The following CDH11 variants were observed in gnomAD, a reference collection of about 807,000 sequenced individuals.
CDH11 encodes the protein cadherin 11.
In CDH11, 11 loss-of-function variants were observed where a neutral mutation model predicts 67.8. That is an observed-to-expected ratio of 0.16 (90% CI 0.10 to 0.27). The LOEUF (loss-of-function observed/expected upper bound fraction) is 0.27, where lower values mean the gene tolerates loss of function less well. Among genes scored for constraint, CDH11 ranks in the 10% least tolerant of loss-of-function variants. The probability of loss-of-function intolerance (pLI) is 1.00; values close to 1 mark genes in which losing one functional copy is unlikely to be tolerated. For missense variants in CDH11, 847 were observed against 1,031.2 expected, an observed-to-expected ratio of 0.82 and a Z score of 2.45; for synonymous variants, 419 against 400.0, an observed-to-expected ratio of 1.05 and a Z score of -0.57.
intron 11 of CDH11, among the ~76,000 whole-genome samples, chr16:64,969,818 T>TCACTATGTGCCTGA (rs1161703689): frequency 5.3e-5 from 8 of 152,244 alleles, no homozygotes; most frequent in Non-Finnish European, 8.8e-5. Flanking sequence ...CTGAGTTTCC[T>TCACTATGTGCCTGA]TGTTTTGGAG....
At chr16:65,089,318 AAGAAAT>A (rs1429434301) in intron 1 of CDH11, among the ~76,000 whole-genome samples, 1 of 152,190 alleles carries the variant, frequency 6.6e-6, no homozygotes. Context: ...AAAAAGGAAA[AAGAAAT>A]AGAAGATGAT....
At chr16:65,040,531 G>A (rs958693187) in intron 2 of CDH11, among the ~76,000 whole-genome samples, 2 of 142,894 alleles carry the variant, frequency 1.4e-5, no homozygotes, top group African/African-American at 2.6e-5. Flanking sequence ...ACAGGAAGGG[G>A]AACATCACAC....
At chr16:65,037,959 T>C (rs2073787864) in intron 2 of CDH11, among the ~76,000 whole-genome samples, 1 of 152,138 alleles carries the variant, frequency 6.6e-6, no homozygotes, top group South Asian at 2.1e-4. Context: ...ACTCCAAAAC[T>C]GGCAGGGATG....
intron 2 of CDH11, among the ~76,000 whole-genome samples, chr16:65,012,620 T>C (rs2073206240): frequency 1.3e-5 from 2 of 152,190 alleles, no homozygotes; most frequent in Admixed American, 1.3e-4. Context: ...CTGAAGATCT[T>C]GGCAATTAAG....
At chr16:65,079,181 A>T (rs1429486127) in intron 1 of CDH11, among the ~76,000 whole-genome samples, 1 of 152,172 alleles carries the variant, frequency 6.6e-6, no homozygotes, top group Non-Finnish European at 1.5e-5. Flanking sequence ...CAAAGTTTGC[A>T]ATCTAAGTAG....
chr16:64,962,949 TG>T (rs1332203112), intron 11 of CDH11, among the ~76,000 whole-genome samples: 1 of 152,208 alleles, frequency 6.6e-6, no homozygotes, highest in Non-Finnish European at 1.5e-5. Flanking sequence ...CATAGGACTA[TG>T]GAATGCTAGC....
At chr16:65,082,707 A>G (rs962983917) in intron 1 of CDH11, among the ~76,000 whole-genome samples, 1 of 152,240 alleles carries the variant, frequency 6.6e-6, no homozygotes, top group African/African-American at 2.4e-5. Context: ...TATATAGTGA[A>G]TTTTGCCATC....
intron 1 of CDH11, among the ~76,000 whole-genome samples, chr16:65,060,341 A>G (rs2074216439): frequency 3.0e-5 from 1 of 33,790 alleles, no homozygotes; most frequent in African/African-American, 1.1e-4. Flanking sequence ...AAATTTGCAT[A>G]TATATATATA....
In CDH11 at chr16:64,951,013, T is replaced by C. The variant is rs767438277; in HGVS notation, c.1648A>G (p.Thr550Ala). ...CCACGCCGGGCGTACACGCCTGCTG[T>C]GTTATCTGCAGAAAGAGGGGAGACA... ...NFTVRDNRDN[T>A]AGVYARRGGF... Residue 550 changes from threonine (T) to alanine (A), a missense_variant, in exon 12 of 13, where the codon ACA becomes GCA. Transcript: ENST00000268603. The C allele has an allele frequency of 1.9e-6, 3 of 1,612,108 alleles. No homozygotes were observed. The highest frequency in any genetic ancestry group is 1.1e-5 in the South Asian group (1 of 91,054).
intron 2 of CDH11, among the ~76,000 whole-genome samples, chr16:65,031,814 T>C (rs537242080): frequency 2.3e-4 from 35 of 152,248 alleles, no homozygotes; most frequent in Middle Eastern, 3.4e-3. Flanking sequence ...TGCTGAAGCA[T>C]ACAAAGATGG....
chr16:65,123,394 G>T (rs1490611634), upstream of CDH11, among the ~76,000 whole-genome samples: 12 of 152,004 alleles, frequency 7.9e-5, no homozygotes, highest in African/African-American at 2.7e-4. Flanking sequence ...CGGAGGGAAA[G>T]CTGGGCGCCA....
At chr16:64,950,099 G>T (rs1567482294) in intron 12 of CDH11, among the ~76,000 whole-genome samples, 3 of 152,224 alleles carry the variant, frequency 2.0e-5, no homozygotes, top group African/African-American at 4.8e-5. Context: ...TCTTCCTGAG[G>T]CCCAGCAATG....
rs1424187048 is a variant in CDH11 at position 64,945,523 on chromosome 16, T to C, written c.*2080A>G. ...TATTCCTTTTGAGTTATTTCTTCAT[T>C]GCAAATTCAATTGGAGATCTGTGCA... On this transcript the variant is annotated 3_prime_UTR_variant, in exon 13 of 13. Transcript: ENST00000268603. 9.7e-7 allele frequency: 1 copy of C among 1,032,734 alleles called. No individual in the cohort carries two copies. Among genetic ancestry groups the C allele is most frequent in the Non-Finnish European group, 1.2e-6 (1 of 858,426 alleles). The allele number at this position is 1,032,734 out of a possible 1,614,324, so 64.0% of individuals were successfully genotyped here. A position where few individuals can be genotyped will look rare whatever the true frequency, so the allele number is the denominator to read the frequency against.
rs369271674 is a variant in CDH11, at chr16:64,973,013, G to A, written c.1281C>T (p.Leu427=). The A allele has an allele frequency of 1.3e-5, 21 of 1,613,472 alleles. No homozygotes were observed. The highest frequency in any genetic ancestry group is 1.7e-5 in the Non-Finnish European group (20 of 1,179,804). Residue 427 remains leucine, a synonymous_variant, in exon 9 of 13, where the codon CTC becomes CTT. Transcript: ENST00000268603. ...IRYSIDRHTD[L]DRFFTINPED... ...CTGGATTAATAGTGAAAAATCTGTC[G>A]AGGTCAGTGTGACGATCGATGGAAT...
chr16:64,973,135 C>A, intron 8 of CDH11, 95 bp from the exon 9 acceptor site: 1 of 1,151,370 alleles, frequency 8.7e-7, no homozygotes, highest in Non-Finnish European at 1.2e-6. Context: ...TCAAGCTTCT[C>A]AATGAATTAC....
chr16:64,988,599 G>C (rs966753084), intron 6 of CDH11, among the ~76,000 whole-genome samples: 1 of 152,122 alleles, frequency 6.6e-6, no homozygotes, highest in African/African-American at 2.4e-5. Context: ...CCACATGTAA[G>C]GGAGAAAAAC....
At chr16:65,092,291 A>G (rs2074805240) in intron 1 of CDH11, among the ~76,000 whole-genome samples, 1 of 152,210 alleles carries the variant, frequency 6.6e-6, no homozygotes, top group Non-Finnish European at 1.5e-5. Context: ...AGTTTTAACT[A>G]AAAATGACAG....
chr16:64,972,844 T>A (rs1184665525), intron 9 of CDH11, 60 bp downstream of exon 9: 4 of 1,556,198 alleles, frequency 2.6e-6, no homozygotes, highest in Non-Finnish European at 3.5e-6. Context: ...TTCCAGAATA[T>A]AGAGTCTGAA....
intron 2 of CDH11, among the ~76,000 whole-genome samples, chr16:65,048,283 A>G (rs1427043979): frequency 6.6e-6 from 1 of 152,226 alleles, no homozygotes; most frequent in African/African-American, 2.4e-5. Flanking sequence ...GAATGTGTAT[A>G]CACTGTTAGT....
Sources: allele counts gnomAD v4.1 joint callset (sites outside exome capture counted in the v4.1 genomes callset), GRCh38; gene constraint gnomAD v4.1.1; transcripts MANE v1.5; gene names NCBI Gene and HGNC (gene_info 2026-07-23, HGNC 2026-07-21).